CDH13: variants seen among roughly 807,000 people sequenced by gnomAD.
CDH13 encodes the protein cadherin 13.
Under a neutral mutation model 63.8 loss-of-function variants are expected in CDH13, and 24 were observed. The observed-to-expected ratio is 0.38, with a 90% CI of 0.27 to 0.53. CDH13 has a LOEUF of 0.53. Ranked by LOEUF, CDH13 falls within the 20% of genes least tolerant of loss-of-function variation. CDH13 has a pLI of 0.85. For missense variants in CDH13, 1,049 were observed against 903.1 expected (o/e 1.16, Z -2.07); for synonymous variants, 503 against 355.3 (o/e 1.42, Z -4.67).
At chr16:82,717,928 C>T (rs1030508330) in intron 1 of CDH13, among the ~76,000 whole-genome samples, 2 of 152,128 alleles carry the variant, frequency 1.3e-5, no homozygotes, top group African/African-American at 4.8e-5. Flanking sequence ...AGATGAGTTT[C>T]CTAAAAGAAA....
chr16:83,089,979 C>T (rs951049760), intron 3 of CDH13, among the ~76,000 whole-genome samples: 1 of 152,138 alleles, frequency 6.6e-6, no homozygotes, highest in Admixed American at 6.5e-5. Flanking sequence ...CCAGGAGCCT[C>T]TAAGATCCCT....
chr16:83,015,741 A>G (rs1054626505), intron 2 of CDH13, among the ~76,000 whole-genome samples: 10 of 133,236 alleles, frequency 7.5e-5, no homozygotes, highest in Admixed American at 2.4e-4. Flanking sequence ...AGCACGAGCA[A>G]TAAATCTCAG....
At chr16:83,310,822 T>C (rs898570796) in intron 5 of CDH13, among the ~76,000 whole-genome samples, 30 of 152,204 alleles carry the variant, frequency 2.0e-4, no homozygotes, top group Admixed American at 2.0e-4. Context: ...GGTGACTTGC[T>C]TCTGCCTGCA....
At chr16:83,423,441 T>C (rs1031374525) in intron 6 of CDH13, among the ~76,000 whole-genome samples, 3 of 152,112 alleles carry the variant, frequency 2.0e-5, no homozygotes, top group African/African-American at 7.2e-5. Flanking sequence ...CCAGGAATCC[T>C]TGATCTCGCA....
chr16:83,046,419 A>G (rs1216811247), intron 3 of CDH13, among the ~76,000 whole-genome samples: 2 of 152,238 alleles, frequency 1.3e-5, no homozygotes, highest in Non-Finnish European at 2.9e-5. Context: ...TATCACACAA[A>G]GAAAGTCAAT....
intron 1 of CDH13, among the ~76,000 whole-genome samples, chr16:82,677,843 G>C (rs1914108264): frequency 1.3e-5 from 2 of 152,086 alleles, no homozygotes; most frequent in South Asian, 4.1e-4. Context: ...GGTTAAGCCT[G>C]TCTTTAAGTT....
intron 4 of CDH13, among the ~76,000 whole-genome samples, chr16:83,169,870 A>G (rs2037848127): frequency 1.3e-5 from 2 of 152,136 alleles, no homozygotes; most frequent in Non-Finnish European, 2.9e-5. Context: ...AATCAAAGTC[A>G]CATGAATACA....
chr16:83,252,905 C>T (rs1454346197), intron 5 of CDH13, among the ~76,000 whole-genome samples: 2 of 152,250 alleles, frequency 1.3e-5, no homozygotes, highest in Admixed American at 6.5e-5. Flanking sequence ...TTTTCAAATC[C>T]TACCTGTGTC....
At chr16:83,432,400 G>A (rs1477409178) in intron 6 of CDH13, among the ~76,000 whole-genome samples, 4 of 152,106 alleles carry the variant, frequency 2.6e-5, no homozygotes, top group Non-Finnish European at 5.9e-5. Context: ...AGGAAACTGA[G>A]GCCAGGCTCA....
chr16:82,800,366 A>G (rs565353416), intron 1 of CDH13, among the ~76,000 whole-genome samples: 2 of 152,234 alleles, frequency 1.3e-5, no homozygotes, highest in South Asian at 2.1e-4. Context: ...AAAGCTGGCT[A>G]TTTACTTCCA....
intron 8 of CDH13, among the ~76,000 whole-genome samples, chr16:83,623,165 A>C (rs1234675929): frequency 6.6e-6 from 1 of 152,162 alleles, no homozygotes; most frequent in Non-Finnish European, 1.5e-5. Flanking sequence ...CCTGAGGCAT[A>C]CAAGAGCCCG....
chr16:82,920,757 A>G (rs140592148), intron 2 of CDH13, among the ~76,000 whole-genome samples: 14 of 152,330 alleles, frequency 9.2e-5, no homozygotes, highest in African/African-American at 3.4e-4. Flanking sequence ...CTTCTTTACA[A>G]AATCAGACAG....
At chr16:82,682,637 T>A (rs974546515) in intron 1 of CDH13, among the ~76,000 whole-genome samples, 1 of 152,214 alleles carries the variant, frequency 6.6e-6, no homozygotes, top group Non-Finnish European at 1.5e-5. Context: ...CTGGCAATAT[T>A]TGCCCCCTAG....
At chr16:83,418,197 A>G (rs1421772950) in intron 6 of CDH13, among the ~76,000 whole-genome samples, 1 of 152,202 alleles carries the variant, frequency 6.6e-6, no homozygotes, top group Non-Finnish European at 1.5e-5. Flanking sequence ...CATTTGAAAA[A>G]TGGAGGGCGG....
At chr16:82,781,048 C>T (rs564961884) in intron 1 of CDH13, among the ~76,000 whole-genome samples, 1 of 152,216 alleles carries the variant, frequency 6.6e-6, no homozygotes, top group Non-Finnish European at 1.5e-5. Flanking sequence ...GGGATTTAGG[C>T]TTGACTTCCT....
At position 82,858,399 on chromosome 16, in the gene CDH13, C is replaced by G. The variant is rs777244426; in HGVS notation, c.83C>G (p.Thr28Ser). The G allele has an allele frequency of 6.2e-7, 1 of 1,613,780 alleles. No homozygotes were observed. The highest frequency in any genetic ancestry group is 8.5e-7 in the Non-Finnish European group (1 of 1,179,692). Residue 28 changes from threonine (T) to serine (S), a missense_variant, in exon 2 of 14, where the codon ACT becomes AGT. Thr to Ser is a moderately conservative substitution (Grantham distance 58). Transcript: ENST00000567109. ...ACATCTGCAGAAGATTTGGACTGCA[C>G]TCCTGGATTTCAGCAGAAAGTGTTC... is the stretch of plus-strand genomic sequence containing the variant. ...LLTSAEDLDC[T>S]PGFQQKVFHI...
At chr16:82,771,665 C>T (rs1250740959) in intron 1 of CDH13, among the ~76,000 whole-genome samples, 2 of 152,322 alleles carry the variant, frequency 1.3e-5, no homozygotes, top group East Asian at 3.9e-4. Context: ...AGAATGCAAA[C>T]TCTTAAGTGC....
At chr16:83,142,131 G>A (rs905926122) in intron 4 of CDH13, among the ~76,000 whole-genome samples, 1 of 150,640 alleles carries the variant, frequency 6.6e-6, no homozygotes, top group African/African-American at 2.4e-5. Context: ...TTGTCCCTGT[G>A]CCTGAACCAT....
At chr16:83,272,985 G>T (rs1024705427) in intron 5 of CDH13, among the ~76,000 whole-genome samples, 3 of 151,432 alleles carry the variant, frequency 2.0e-5, no homozygotes, top group Non-Finnish European at 4.4e-5. Flanking sequence ...AATCTGCTCA[G>T]ATAACCCAAT....
Sources: allele counts gnomAD v4.1 joint callset (sites outside exome capture counted in the v4.1 genomes callset), GRCh38; gene constraint gnomAD v4.1.1; transcripts MANE v1.5; gene names NCBI Gene and HGNC (gene_info 2026-07-23, HGNC 2026-07-21).